FSTL4: variants seen among roughly 807,000 people sequenced by gnomAD.
FSTL4 encodes follistatin-related protein 4.
A neutral mutation model predicts 78.2 loss-of-function variants in FSTL4; 28 were observed. The observed-to-expected ratio is 0.36, with a 90% CI of 0.27 to 0.49. FSTL4 has a LOEUF of 0.49. Ranked by LOEUF, FSTL4 falls within the 20% of genes least tolerant of loss-of-function variation. FSTL4 has a pLI of 0.98. For missense variants in FSTL4, 922 were observed against 1,084.9 expected, an observed-to-expected ratio of 0.85 and a Z score of 2.11; for synonymous variants, 422 against 440.5, an observed-to-expected ratio of 0.96 and a Z score of 0.53.
intron 4 of FSTL4, among the ~76,000 whole-genome samples, chr5:133,318,882 T>C (rs1314761322): frequency 6.6e-6 from 1 of 152,202 alleles, no homozygotes; most frequent in Non-Finnish European, 1.5e-5. Flanking sequence ...GGGAGCCTCT[T>C]ATTTCGTCTC....
At chr5:133,224,518 C>T in intron 10 of FSTL4, 1 of 271,906 alleles carries the variant, frequency 3.7e-6, no homozygotes. Context: ...GAGTAAGCAA[C>T]ATCTCTCCCA....
At chr5:133,280,368 C>A (rs1752982693) in intron 6 of FSTL4, among the ~76,000 whole-genome samples, 1 of 152,082 alleles carries the variant, frequency 6.6e-6, no homozygotes, top group South Asian at 2.1e-4. Context: ...CCCACTCAGA[C>A]CCTCTGCAGT....
At chr5:133,218,082 G>C (rs1332597588) in intron 12 of FSTL4, among the ~76,000 whole-genome samples, 2 of 152,108 alleles carry the variant, frequency 1.3e-5, no homozygotes, top group African/African-American at 4.8e-5. Context: ...CAACTGCCTA[G>C]CTCCACTTGG....
At chr5:133,793,116 G>C in the FSTL4 span, among the ~76,000 whole-genome samples, 1 of 152,218 alleles carries the variant, frequency 6.6e-6, no homozygotes, top group Non-Finnish European at 1.5e-5. Context: ...CCAAAGAGCA[G>C]TGACAACTGA....
Position 133,309,274 on chromosome 5 carries a change from C to T in FSTL4, c.727+3380G>A, listed in dbSNP as rs192006323. On this transcript the variant is annotated intron_variant, in intron 6 of 15. Transcript: ENST00000265342. ...GGGGAAGGAGAGGCAGAGGGCACTG[C>T]TGGAGAAGGACACTGAGCCTTTAGT... Among the ~76,000 whole-genome samples the T allele has an allele frequency of 5.3e-5, 8 of 152,242 alleles. No homozygotes were observed. In the East Asian group the frequency reaches 1.5e-3, roughly 29 times the overall value.
At chr5:133,327,687 A>T (rs550523210) in intron 4 of FSTL4, among the ~76,000 whole-genome samples, 6 of 152,142 alleles carry the variant, frequency 3.9e-5, no homozygotes, top group African/African-American at 1.4e-4. Context: ...CTTCAGGGGG[A>T]GGAGGGCATG....
At chr5:133,782,111 C>T in the FSTL4 span, among the ~76,000 whole-genome samples, 132 of 152,326 alleles carry the variant, frequency 8.7e-4, no homozygotes, top group African/African-American at 3.0e-3. Context: ...CTATGAAAAA[C>T]GGGCTAAGGC....
the FSTL4 span, among the ~76,000 whole-genome samples, chr5:133,770,438 G>A: frequency 0.65 from 99,172 of 151,950 alleles, 32,634 homozygotes; most frequent in African/African-American, 0.69. Flanking sequence ...GTAAGATGGC[G>A]TCTCATTGTG....
At chr5:133,414,474 A>T (rs1756538560) in intron 3 of FSTL4, among the ~76,000 whole-genome samples, 1 of 152,166 alleles carries the variant, frequency 6.6e-6, no homozygotes, top group African/African-American at 2.4e-5. Context: ...TGAGCCACGG[A>T]GGGTATGTAA....
chr5:133,524,489 C>T (rs1347568273), intron 3 of FSTL4, among the ~76,000 whole-genome samples: 1 of 152,086 alleles, frequency 6.6e-6, no homozygotes, highest in Non-Finnish European at 1.5e-5. Flanking sequence ...CACCATTTGC[C>T]CGTGTGTCAC....
the FSTL4 span, among the ~76,000 whole-genome samples, chr5:133,677,604 C>T: frequency 6.6e-6 from 1 of 152,176 alleles, no homozygotes; most frequent in Admixed American, 6.5e-5. Flanking sequence ...AATAGTCTCT[C>T]CAAGCTTTAA....
chr5:133,451,975 C>T (rs1199285350), intron 3 of FSTL4, among the ~76,000 whole-genome samples: 1 of 152,346 alleles, frequency 6.6e-6, no homozygotes, highest in Admixed American at 6.5e-5. Flanking sequence ...CCTAATGCTT[C>T]CCTGTCAGGC....
chr5:133,325,553 G>T (rs1754190477), intron 4 of FSTL4, among the ~76,000 whole-genome samples: 1 of 152,164 alleles, frequency 6.6e-6, no homozygotes, highest in Non-Finnish European at 1.5e-5. Context: ...TTTGGGGAAG[G>T]GGGCGTGGAC....
the FSTL4 span, among the ~76,000 whole-genome samples, chr5:133,689,432 G>A: frequency 6.6e-6 from 1 of 152,210 alleles, no homozygotes. Context: ...AATTCAGTAA[G>A]CCTTTTAAAT....
intron 4 of FSTL4, among the ~76,000 whole-genome samples, chr5:133,330,307 A>C (rs1391972776): frequency 2.0e-5 from 3 of 152,258 alleles, no homozygotes; most frequent in Admixed American, 2.0e-4. Context: ...ATTGGCTCAC[A>C]GTTCTGCAGG....
the FSTL4 span, among the ~76,000 whole-genome samples, chr5:133,652,878 C>T: frequency 6.6e-6 from 1 of 152,050 alleles, no homozygotes; most frequent in African/African-American, 2.4e-5. Context: ...AGTAACTGTA[C>T]CCATCGTGGT....
the FSTL4 span, among the ~76,000 whole-genome samples, chr5:133,631,379 C>A: frequency 6.6e-6 from 1 of 151,860 alleles, no homozygotes; most frequent in Admixed American, 6.6e-5. Flanking sequence ...ATTTATGCGG[C>A]CAACAAACTA....
chr5:133,799,118 C>A, the FSTL4 span, among the ~76,000 whole-genome samples: 414 of 136,908 alleles, frequency 3.0e-3, 62 homozygotes, highest in African/African-American at 0.011. Context: ...TAGCCAGCCA[C>A]CCCTGACTGG....
At chr5:133,213,444 TG>T in intron 13 of FSTL4, among the ~76,000 whole-genome samples, 1 of 152,332 alleles carries the variant, frequency 6.6e-6, no homozygotes, top group East Asian at 1.9e-4. Context: ...TAATGTCCTG[TG>T]GGGTTAAATT....
Sources: allele counts gnomAD v4.1 joint callset (sites outside exome capture counted in the v4.1 genomes callset), GRCh38; gene constraint gnomAD v4.1.1; transcripts MANE v1.5; gene names NCBI Gene and HGNC (gene_info 2026-07-23, HGNC 2026-07-21).